PCDHGA4: variants seen among roughly 807,000 people sequenced by gnomAD.
PCDHGA4 encodes protocadherin gamma subfamily A, 4.
Under a neutral mutation model 54.6 loss-of-function variants are expected in PCDHGA4, and 38 were observed. The observed-to-expected ratio is 0.70, with a 90% CI of 0.54 to 0.91. The LOEUF is 0.91. PCDHGA4 is among the 40% of genes least tolerant of loss of function. PCDHGA4 has a pLI of 0.00. For missense variants in PCDHGA4, 1,298 were observed against 1,220.9 expected, an observed-to-expected ratio of 1.06 and a Z score of -0.94; for synonymous variants, 511 against 512.9, an observed-to-expected ratio of 1.00 and a Z score of 0.05.
rs375127524 is a variant in PCDHGA4, at chr5:141,490,702, C to G, written c.2515-4105C>G. ...AGATCCAGACACTGGGGATAATGCCCGCCTCACCTACTCCATTGTAGGAAA... is the reference window on the plus strand; with the variant it reads ...AGATCCAGACACTGGGGATAATGCCGGCCTCACCTACTCCATTGTAGGAAA... On this transcript the variant is annotated intron_variant, in intron 1 of 3. Coordinates refer to ENST00000571252, the MANE Select transcript of PCDHGA4 (RefSeq NM_018917.4). This position sits in a 1 kb window ranked among gnomAD's most constrained non-coding sequence, Gnocchi z 5.4. The G allele has an allele frequency of 1.2e-6, 2 of 1,614,060 alleles. No homozygotes were observed. Among genetic ancestry groups the G allele is most frequent in the Admixed American group, 1.7e-5 (1 of 60,008 alleles).
chr5:141,450,581 G>A (rs2098686464), intron 1 of PCDHGA4, among the ~76,000 whole-genome samples: 1 of 151,878 alleles, frequency 6.6e-6, no homozygotes, highest in Non-Finnish European at 1.5e-5. Context: ...CTGCCTCCCA[G>A]GTTCAAGCAA....
intron 1 of PCDHGA4, chr5:141,441,530 A>T (rs2154559371): frequency 5.8e-6 from 1 of 172,118 alleles, no homozygotes; most frequent in Non-Finnish European, 1.2e-5. Flanking sequence ...GCCAAGAACA[A>T]TCTTCCCAAA....
At chr5:141,408,302 C>G (rs1017556555) in intron 1 of PCDHGA4, 1 of 1,613,662 alleles carries the variant, frequency 6.2e-7, no homozygotes. Flanking sequence ...TGAGCCGATC[C>G]GCTACTCGAT....
At chr5:141,469,415 A>C (rs2099200751) in intron 1 of PCDHGA4, among the ~76,000 whole-genome samples, 1 of 152,116 alleles carries the variant, frequency 6.6e-6, no homozygotes, top group Admixed American at 6.5e-5. Flanking sequence ...TTTCTACTAA[A>C]AATATAAAAC....
chr5:141,409,279 T>C, intron 1 of PCDHGA4: 1 of 1,613,972 alleles, frequency 6.2e-7, no homozygotes, highest in Non-Finnish European at 8.5e-7. Context: ...TTTTGGAGAA[T>C]TCACCTCCAG....
intron 3 of PCDHGA4, among the ~76,000 whole-genome samples, chr5:141,505,766 C>T (rs1420683619): frequency 2.0e-5 from 3 of 151,768 alleles, no homozygotes; most frequent in African/African-American, 4.8e-5. Context: ...CAGTGTAGCT[C>T]AGGTCCTAGC....
In PCDHGA4 at chr5:141,432,139, T is replaced by A. The variant is rs950514553; in HGVS notation, c.2515-62668T>A. ...TCCCTCAGGCCTCCTATTCCGCTTA[T>A]ATCCCAGAGAACAATCCCAGAGGAG... is the stretch of plus-strand genomic sequence containing the variant. On this transcript the variant is annotated intron_variant, in intron 1 of 3. Transcript: ENST00000571252. The surrounding 1 kb of genome is among the most constrained non-coding windows in gnomAD (Gnocchi z 6.0). The A allele has an allele frequency of 6.8e-6, 11 of 1,613,976 alleles. No individual in the cohort carries two copies. Among genetic ancestry groups the A allele is most frequent in the Non-Finnish European group, 9.3e-6 (11 of 1,180,032 alleles).
chr5:141,491,114 C>T lies in PCDHGA4; in HGVS notation c.2515-3693C>T, dbSNP rs1240431232. 1 of 1,614,104 alleles carries T rather than the reference C, an allele frequency of 6.2e-7. No homozygotes were observed. Among genetic ancestry groups the T allele is most frequent in the Admixed American group, 1.7e-5 (1 of 60,012 alleles). ...GGACTGTTCCTCGTGTCTACACACA[C>T]TGGTGAGGTGCGCACAGCCCGGGCC... On this transcript the variant is annotated intron_variant, in intron 1 of 3. Transcript: ENST00000571252. The surrounding 1 kb of genome is among the most constrained non-coding windows in gnomAD (Gnocchi z 6.9).
At position 141,369,163 on chromosome 5, in the gene PCDHGA4, A is replaced by G. The variant is rs184652156; in HGVS notation, c.2514+11542A>G. Reference sequence around the variant, plus strand: ...AATGGCATGTTATTGACCAGGGAAAAGTGTAAATAACAAAAAGTTAGGATT... The same window carrying G: ...AATGGCATGTTATTGACCAGGGAAAGGTGTAAATAACAAAAAGTTAGGATT... On this transcript the variant is annotated intron_variant, in intron 1 of 3. Transcript: ENST00000571252. Among the ~76,000 whole-genome samples, 9 of 152,372 alleles carry G rather than the reference A, an allele frequency of 5.9e-5. No homozygotes were observed. In the East Asian group the frequency reaches 1.7e-3, roughly 29 times the overall value.
At chr5:141,480,059 T>G (rs1169389701) in intron 1 of PCDHGA4, among the ~76,000 whole-genome samples, 1 of 152,096 alleles carries the variant, frequency 6.6e-6, no homozygotes, top group African/African-American at 2.4e-5. Context: ...GAATAATAAG[T>G]GTTTTATAAG....
chr5:141,423,798 A>G (rs551396089), intron 1 of PCDHGA4: 76 of 1,222,390 alleles, frequency 6.2e-5, no homozygotes, highest in Middle Eastern at 4.5e-4. Context: ...TATTTAGAGC[A>G]ATACATGTGA....
chr5:141,408,871 T>C, intron 1 of PCDHGA4: 2 of 1,612,784 alleles, frequency 1.2e-6, no homozygotes, highest in Non-Finnish European at 1.7e-6. Flanking sequence ...CACCAAGAAG[T>C]GCCACCGCTC....
chr5:141,396,943 G>A (rs1388753275), intron 1 of PCDHGA4, among the ~76,000 whole-genome samples: 6 of 152,178 alleles, frequency 3.9e-5, no homozygotes, highest in African/African-American at 1.2e-4. Flanking sequence ...TGCCCTGGTA[G>A]GAAAGAAAAT....
At chr5:141,361,631 G>A in intron 1 of PCDHGA4, 1 of 1,613,902 alleles carries the variant, frequency 6.2e-7, no homozygotes, top group Non-Finnish European at 8.5e-7. Context: ...CTGAAGCCGC[G>A]GGAGATTTTA....
chr5:141,510,813 C>G, intron 3 of PCDHGA4, 134 bp from the exon 4 acceptor site: 2 of 1,537,024 alleles, frequency 1.3e-6, no homozygotes, highest in Non-Finnish European at 1.8e-6. Context: ...CTTGGTGACC[C>G]CTATATTCCC....
At chr5:141,364,327 G>A (rs1433768344) in intron 1 of PCDHGA4, 9 of 1,529,608 alleles carry the variant, frequency 5.9e-6, no homozygotes, top group South Asian at 1.3e-5. Context: ...GCAGAGAGAA[G>A]GCAATGGCGA....
chr5:141,489,174 C>A lies in PCDHGA4; in HGVS notation c.2515-5633C>A. On this transcript the variant is annotated intron_variant, in intron 1 of 3. Coordinates refer to ENST00000571252, the MANE Select transcript of PCDHGA4 (RefSeq NM_018917.4). The surrounding 1 kb of genome is among the most constrained non-coding windows in gnomAD (Gnocchi z 4.5). ...ATAAGAGACTTCAGCTGCTGCATTC[C>A]AAGCCCTGGGTCTACCTTGGAGACA... The A allele has an allele frequency of 8.2e-7, 1 of 1,224,772 alleles. No individual in the cohort carries two copies. 75.9% of individuals were successfully genotyped at this position (1,224,772 alleles called of 1,614,324 possible).
At chr5:141,384,867 C>T (rs1780607130) in intron 1 of PCDHGA4, 1 of 1,613,660 alleles carries the variant, frequency 6.2e-7, no homozygotes, top group South Asian at 1.1e-5. Context: ...CTCTGTCAGC[C>T]ACCGTCACAC....
chr5:141,380,578 G>A (rs532519748), intron 1 of PCDHGA4, among the ~76,000 whole-genome samples: 19 of 152,144 alleles, frequency 1.2e-4, no homozygotes, highest in African/African-American at 3.4e-4. Flanking sequence ...ATATCTTGGC[G>A]GTCTAGTAAA....
Sources: allele counts gnomAD v4.1 joint callset (sites outside exome capture counted in the v4.1 genomes callset), GRCh38; gene constraint gnomAD v4.1.1; non-coding constraint Gnocchi (gnomAD v3.1); transcripts MANE v1.5; gene names NCBI Gene and HGNC (gene_info 2026-07-23, HGNC 2026-07-21).